The following PPP2R3C variants were observed in gnomAD, a reference collection of about 807,000 sequenced individuals.
The protein encoded by PPP2R3C is protein phosphatase 2 regulatory subunit B''gamma.
A neutral mutation model predicts 63.7 loss-of-function variants in PPP2R3C; 47 were observed. That is an observed-to-expected ratio of 0.74 (90% CI 0.58 to 0.94). PPP2R3C has a LOEUF of 0.94. Ranked by LOEUF, PPP2R3C falls within the 40% of genes least tolerant of loss-of-function variation. The pLI is 0.00. For synonymous variants in PPP2R3C, 180 were observed against 177.4 expected (o/e 1.01, Z -0.12); for missense variants, 421 against 518.4 (o/e 0.81, Z 1.82).
chr14:35,107,823 C>A (rs1190816577), intron 5 of PPP2R3C: 3 of 314,056 alleles, frequency 9.6e-6, no homozygotes, highest in African/African-American at 2.6e-5. Flanking sequence ...AACTATCAGT[C>A]AACTCAACTT....
intron 9 of PPP2R3C, among the ~76,000 whole-genome samples, chr14:35,096,159 A>G (rs768595065): frequency 1.3e-4 from 19 of 145,574 alleles, no homozygotes; most frequent in Non-Finnish European, 2.7e-4. Context: ...TGGGCAACAC[A>G]GTGAGATCCC....
At chr14:35,121,332 C>T (rs2046881999) in intron 1 of PPP2R3C, among the ~76,000 whole-genome samples, 1 of 151,920 alleles carries the variant, frequency 6.6e-6, no homozygotes, top group African/African-American at 2.4e-5. Flanking sequence ...AGCGGAGATG[C>T]TGCCACTGCA....
At chr14:35,105,911 C>T (rs888080820) in intron 6 of PPP2R3C, among the ~76,000 whole-genome samples, 4 of 151,644 alleles carry the variant, frequency 2.6e-5, no homozygotes, top group East Asian at 1.9e-4. Flanking sequence ...GGCGTGATCT[C>T]GGCTCACTGC....
intron 12 of PPP2R3C, chr14:35,087,335 G>C (rs1032047312): frequency 6.6e-6 from 1 of 152,108 alleles, no homozygotes; most frequent in Admixed American, 6.6e-5. Flanking sequence ...CAGTTTCCAA[G>C]GTAAAAAATC....
intron 11 of PPP2R3C, among the ~76,000 whole-genome samples, chr14:35,089,965 C>T (rs1595075296): frequency 6.6e-6 from 1 of 151,746 alleles, no homozygotes; most frequent in South Asian, 2.1e-4. Context: ...GCAACCCGGC[C>T]GATTTTTAAA....
At chr14:35,107,262 G>A in intron 6 of PPP2R3C, 42 bp downstream of exon 6, 1 of 1,431,258 alleles carries the variant, frequency 7.0e-7, no homozygotes, top group Non-Finnish European at 9.8e-7. Flanking sequence ...ACATTTTAGT[G>A]TCTATAAGAG....
chr14:35,121,906 T>G lies in PPP2R3C; in HGVS notation c.54A>C (p.Pro18=), dbSNP rs1218935418. 1.9e-6 allele frequency: 3 copies of G among 1,614,018 alleles called. No individual in the cohort carries two copies. The highest frequency in any genetic ancestry group is 2.5e-6 in the Non-Finnish European group (3 of 1,179,990). Residue 18 remains proline (P), a synonymous_variant, in exon 1 of 13, where the codon CCA becomes CCC. Coordinates refer to ENST00000261475, the MANE Select transcript of PPP2R3C (RefSeq NM_017917.4). ...GCTGCCCCTCCCAAAACTCACTGTTTGGACAGGTGTTGGGCGTCGCTAGGC... is the reference window on the plus strand; with the variant it reads ...GCTGCCCCTCCCAAAACTCACTGTTGGGACAGGTGTTGGGCGTCGCTAGGC... ...RRRLATPNTC[P]NKKKSEQELK...
chr14:35,121,415 T>C (rs1412014553), intron 1 of PPP2R3C, among the ~76,000 whole-genome samples: 1 of 152,150 alleles, frequency 6.6e-6, no homozygotes, highest in Non-Finnish European at 1.5e-5. Flanking sequence ...ACCAAGGTTC[T>C]GTTTTTCTCC....
intron 1 of PPP2R3C, among the ~76,000 whole-genome samples, chr14:35,120,526 T>G (rs959787185): frequency 6.6e-6 from 1 of 152,170 alleles, no homozygotes; most frequent in Non-Finnish European, 1.5e-5. Flanking sequence ...ATTACAGGAC[T>G]GAGCGACCGC....
intron 10 of PPP2R3C, among the ~76,000 whole-genome samples, chr14:35,094,847 C>T (rs764964493): frequency 2.6e-5 from 4 of 151,890 alleles, no homozygotes; most frequent in African/African-American, 7.3e-5. Context: ...CCAGCTACTC[C>T]GGAGGCTGAG....
chr14:35,087,601 T>C (rs541108735), intron 12 of PPP2R3C: 4 of 210,172 alleles, frequency 1.9e-5, no homozygotes, highest in Admixed American at 5.5e-5. Flanking sequence ...GGTTTCACCA[T>C]GTTGACCAGG....
intron 11 of PPP2R3C, among the ~76,000 whole-genome samples, chr14:35,090,303 G>A (rs538128629): frequency 2.8e-5 from 4 of 142,932 alleles, no homozygotes; most frequent in South Asian, 4.4e-4. Context: ...ATGCAGTGAC[G>A]CGATTTCAGC....
rs368126468 is a variant in PPP2R3C at position 35,116,723 on chromosome 14, G to C, written c.73C>G (p.Gln25Glu). The C allele has an allele frequency of 6.3e-7, 1 of 1,586,242 alleles. No individual in the cohort carries two copies. The highest frequency in any genetic ancestry group is 8.6e-7 in the Non-Finnish European group (1 of 1,166,570). Reference protein sequence around the residue: ...NTCPNKKKSEQELKDEEMDLF... With the variant: ...NTCPNKKKSEEELKDEEMDLF... Reference sequence around the variant, plus strand: ...TCCATTTCTTCATCTTTTAATTCTTGTTCACTTTTTTTTTCTGGTAACAAA... The same window carrying C: ...TCCATTTCTTCATCTTTTAATTCTTCTTCACTTTTTTTTTCTGGTAACAAA... Residue 25 changes from glutamine (Q) to glutamate (E), a missense_variant, in exon 2 of 13, where the codon CAA becomes GAA. Gln to Glu is a conservative substitution (Grantham distance 29). Around this residue, in one of 3 missense-constraint regions of PPP2R3C, gnomAD observed 143 missense variants for 151.2 expected, o/e 0.95. Transcript: ENST00000261475.
At chr14:35,114,074 C>T (rs1267996093) in intron 2 of PPP2R3C, among the ~76,000 whole-genome samples, 1 of 152,178 alleles carries the variant, frequency 6.6e-6, no homozygotes, top group Non-Finnish European at 1.5e-5. Flanking sequence ...CAATTCCCTT[C>T]TCTCTCCCCT....
rs762483355 is a variant in PPP2R3C, at chr14:35,099,322, T to C, written c.636A>G (p.Lys212=). The change falls in exon 7 of 13, where the codon AAA becomes AAG. Residue 212 remains lysine (K), a synonymous_variant. Coordinates refer to ENST00000261475, the MANE Select transcript of PPP2R3C (RefSeq NM_017917.4). The stretch of plus-strand genomic sequence containing the variant: ...TACAAACATAAAAGGAGTAGAAAGA[T>C]TTTTCCAGACCATCTAATTGTGGCA... ...PTLPQLDGLE[K]SFYSFYVCTA... 2 of 1,603,476 alleles carry C rather than the reference T, an allele frequency of 1.2e-6. No homozygotes were observed. Among genetic ancestry groups the C allele is most frequent in the Non-Finnish European group, 1.7e-6 (2 of 1,177,772 alleles).
chr14:35,106,746 C>T lies in PPP2R3C; in HGVS notation c.573+558G>A, dbSNP rs1426796087. Among the ~76,000 whole-genome samples, 8 of 149,724 alleles carry T rather than the reference C, an allele frequency of 5.3e-5. No individual in the cohort carries two copies. In the Admixed American group the frequency reaches 5.4e-4, roughly 10 times the overall value. On this transcript the variant is annotated intron_variant, in intron 6 of 12. Transcript: ENST00000261475. The stretch of plus-strand genomic sequence containing the variant: ...GCAATGGCGCTATCTCGGTTCACAG[C>T]AACCTCTGCCTCCTGGGTTCAAGTG...
At chr14:35,120,033 A>G (rs946855460) in intron 1 of PPP2R3C, among the ~76,000 whole-genome samples, 9 of 150,324 alleles carry the variant, frequency 6.0e-5, no homozygotes, top group Non-Finnish European at 1.3e-4. Flanking sequence ...TTGTATTTTT[A>G]GTAGAGACGG....
chr14:35,098,346 G>GTTTT (rs376634061), intron 7 of PPP2R3C, among the ~76,000 whole-genome samples: 41 of 94,008 alleles, frequency 4.4e-4, no homozygotes, highest in African/African-American at 6.7e-4. Context: ...CGCCTGGCTA[G>GTTTT]TTTTTTTTTT....
chr14:35,116,900 C>T (rs1284938475), intron 1 of PPP2R3C, among the ~76,000 whole-genome samples, 163 bp from the exon 2 acceptor site: 1 of 152,184 alleles, frequency 6.6e-6, no homozygotes, highest in Non-Finnish European at 1.5e-5. Flanking sequence ...TTCTGAAATA[C>T]CAAGAATCAC....
Sources: gnomAD v4.1 joint callset for allele counts (sites outside exome capture counted in the v4.1 genomes callset) on GRCh38, gnomAD v4.1.1 for gene constraint, gnomAD v4.1.1 regional missense constraint, MANE v1.5 for transcripts, NCBI Gene and HGNC (gene_info 2026-07-23, HGNC 2026-07-21) for gene names.